RIC3: variants seen among roughly 807,000 people sequenced by gnomAD.
The protein encoded by RIC3 is RIC3 acetylcholine receptor chaperone, also known as protein RIC-3.
RIC3 carries 28 observed loss-of-function variants against 27.3 expected under a neutral mutation model. The ratio of observed to expected loss-of-function variants is 1.02; its 90% CI spans 0.76 to 1.41. The LOEUF (loss-of-function observed/expected upper bound fraction) is 1.41. Among genes scored for constraint, RIC3 ranks in the 40% most tolerant of loss-of-function variants. The pLI is 0.00. For synonymous variants in RIC3, 184 were observed against 160.4 expected (o/e 1.15, Z -1.11); for missense variants, 501 against 444.7 (o/e 1.13, Z -1.14).
In RIC3 at chr11:8,131,668, A is replaced by C. The variant is rs547734272; in HGVS notation, c.522-4861T>G. Among the ~76,000 whole-genome samples the C allele has an allele frequency of 1.7e-4, 26 of 152,240 alleles. No individual in the cohort carries two copies. The East Asian group carries it at 4.2e-3, about 25-fold the overall frequency. ...GTAATCCCAGCACTTTGGGAGGCCA[A>C]GGTGGGCAGATCACCTGAGGTCAGG... On this transcript the variant is annotated intron_variant, in intron 4 of 5. Transcript: ENST00000309737.
chr11:8,124,220 TC>T (rs1223891761), intron 5 of RIC3, among the ~76,000 whole-genome samples: 2 of 152,064 alleles, frequency 1.3e-5, no homozygotes, highest in African/African-American at 2.4e-5. Flanking sequence ...ATGAAACTTT[TC>T]CAGAAAATAG....
intron 3 of RIC3, among the ~76,000 whole-genome samples, chr11:8,137,874 C>T (rs928198579): frequency 2.8e-5 from 4 of 142,426 alleles, no homozygotes; most frequent in Admixed American, 2.1e-4. Flanking sequence ...ACAGAATATT[C>T]TAGTTGTATA....
intron 1 of RIC3, among the ~76,000 whole-genome samples, chr11:8,147,095 A>G (rs1949762538): frequency 6.6e-6 from 1 of 152,208 alleles, no homozygotes; most frequent in South Asian, 2.1e-4. Context: ...AGAAATTCAA[A>G]AGAATGCAAC....
chr11:8,110,614 G>T lies in RIC3; in HGVS notation c.*84C>A. 1 of 1,199,486 alleles carries T rather than the reference G, an allele frequency of 8.3e-7. No homozygotes were observed. The highest frequency in any genetic ancestry group is 1.2e-6 in the Non-Finnish European group (1 of 808,198). The allele number at this position is 1,199,486 out of a possible 1,614,324, so 74.3% of individuals were successfully genotyped here. A position where few individuals can be genotyped will look rare whatever the true frequency, so the allele number is the denominator to read the frequency against. ...GACACTTGAACACAGTGAAGAAAGTGCAGGGCACAGGGCCAAGAAGGAAAT... is the reference window on the plus strand; with the variant it reads ...GACACTTGAACACAGTGAAGAAAGTTCAGGGCACAGGGCCAAGAAGGAAAT... On this transcript the variant is annotated 3_prime_UTR_variant, in exon 6 of 6. Transcript: ENST00000309737.
At chr11:8,140,357 T>G (rs1463150332) in intron 1 of RIC3, among the ~76,000 whole-genome samples, 164 bp from the exon 2 acceptor site, 1 of 152,166 alleles carries the variant, frequency 6.6e-6, no homozygotes, top group African/African-American at 2.4e-5. Flanking sequence ...ATCCTAAATA[T>G]GATGTGATCA....
intron 4 of RIC3, 71 bp from the exon 5 acceptor site, chr11:8,126,878 G>C (rs1441640739): frequency 6.4e-7 from 1 of 1,561,914 alleles, no homozygotes; most frequent in Non-Finnish European, 8.8e-7. Flanking sequence ...ACATCACTAT[G>C]GTCTGTCTGG....
Position 8,169,021 on chromosome 11 carries a change from C to CAGCCGG in RIC3, c.-33_-32insCCGGCT, listed in dbSNP as rs1952036011. The CAGCCGG allele has an allele frequency of 6.6e-7, 1 of 1,514,952 alleles. No homozygotes were observed. The highest frequency in any genetic ancestry group is 1.3e-5 in the South Asian group (1 of 79,530). The allele number at this position is 1,514,952 out of a possible 1,614,324, so 93.8% of individuals were successfully genotyped here. A position where few individuals can be genotyped will look rare whatever the true frequency, so the allele number is the denominator to read the frequency against. ...TCACGGTGGTCGCAGGTGCAGACGC[C>CAGCCGG]AGCCGGAACCGGAACCGGAACCGGA... On this transcript the variant is annotated 5_prime_UTR_variant, in exon 1 of 6. Coordinates refer to ENST00000309737, the MANE Select transcript of RIC3 (RefSeq NM_001206671.4).
In RIC3 at chr11:8,168,854, G is replaced by T. The variant is rs769227762; in HGVS notation, c.124+12C>A. The T allele has an allele frequency of 6.2e-7, 1 of 1,610,644 alleles. No individual in the cohort carries two copies. Among genetic ancestry groups the T allele is most frequent in the Non-Finnish European group, 8.5e-7 (1 of 1,178,226 alleles). ...GCGCCGGGAAGCTCAGAGGGAGCTG[G>T]CCTGCTCTTACCTTCAGGTGTCGGC... On this transcript the variant is annotated intron_variant, in intron 1 of 5. Transcript: ENST00000309737.
At chr11:8,105,020 G>GT (rs1554936463), downstream of RIC3, 1 of 149,260 alleles carries the variant, frequency 6.7e-6, no homozygotes, top group Non-Finnish European at 1.5e-5. Context: ...AATTTAACAA[G>GT]TGACAGGGTT....
intron 5 of RIC3, among the ~76,000 whole-genome samples, chr11:8,122,817 T>G (rs2133547032): frequency 8.1e-6 from 1 of 124,106 alleles, no homozygotes; most frequent in South Asian, 2.4e-4. Flanking sequence ...CACCTAACAA[T>G]GCAAAATTTG....
chr11:8,105,998 A>T (rs1333207983), downstream of RIC3: 1 of 151,812 alleles, frequency 6.6e-6, no homozygotes, highest in Non-Finnish European at 1.5e-5. Context: ...GTCTTTTCCT[A>T]TTTTGGAGTG....
intron 5 of RIC3, among the ~76,000 whole-genome samples, chr11:8,115,297 G>T (rs1564970038): frequency 6.7e-6 from 1 of 149,090 alleles, no homozygotes; most frequent in African/African-American, 2.5e-5. Flanking sequence ...AATGCTTACG[G>T]AAAACAAAAA....
At chr11:8,101,660 G>C, downstream of RIC3, 1 of 1,606,758 alleles carries the variant, frequency 6.2e-7, no homozygotes, top group Non-Finnish European at 8.5e-7. Context: ...GCCTGGAGCG[G>C]AGCTTGCCTG....
At chr11:8,166,563 T>C (rs1405312692) in intron 1 of RIC3, among the ~76,000 whole-genome samples, 2 of 152,222 alleles carry the variant, frequency 1.3e-5, no homozygotes, top group East Asian at 3.8e-4. Flanking sequence ...TATGTACCTT[T>C]TTCTAGAGAG....
the RIC3 span, chr11:8,097,318 C>G: frequency 6.2e-7 from 1 of 1,614,024 alleles, no homozygotes; most frequent in African/African-American, 1.3e-5. Flanking sequence ...GAGGCCGGCC[C>G]CCCAGGGTAT....
chr11:8,139,794 G>C (rs1258148883), intron 2 of RIC3, 173 bp downstream of exon 2: 1 of 635,190 alleles, frequency 1.6e-6, no homozygotes, highest in Non-Finnish European at 2.7e-6. Flanking sequence ...CATTTCTTAT[G>C]TGAAACTGAA....
chr11:8,146,197 T>A (rs910787767), intron 1 of RIC3, among the ~76,000 whole-genome samples: 1 of 152,242 alleles, frequency 6.6e-6, no homozygotes, highest in Non-Finnish European at 1.5e-5. Flanking sequence ...AATACTAATA[T>A]GGAATTCTAC....
At chr11:8,148,226 A>C (rs1590307197) in intron 1 of RIC3, among the ~76,000 whole-genome samples, 1 of 152,026 alleles carries the variant, frequency 6.6e-6, no homozygotes, top group East Asian at 1.9e-4. Context: ...TCTTTTAGAG[A>C]CTGGGTCAGC....
chr11:8,144,204 C>G (rs1310661989), intron 1 of RIC3, among the ~76,000 whole-genome samples: 3 of 150,794 alleles, frequency 2.0e-5, no homozygotes, highest in African/African-American at 7.4e-5. Flanking sequence ...TAAAGAGCTT[C>G]TGCACAGCAA....
Sources: allele counts gnomAD v4.1 joint callset (sites outside exome capture counted in the v4.1 genomes callset), GRCh38; gene constraint gnomAD v4.1.1; transcripts MANE v1.5; gene names NCBI Gene and HGNC (gene_info 2026-07-23, HGNC 2026-07-21).